CFAP20DC: variants seen among roughly 807,000 people sequenced by gnomAD.
CFAP20DC encodes protein CFAP20DC.
A neutral mutation model predicts 101.7 loss-of-function variants in CFAP20DC; 84 were observed. The ratio of observed to expected loss-of-function variants is 0.83; its 90% CI spans 0.69 to 0.99. The LOEUF is 0.99. Among genes scored for constraint, CFAP20DC ranks in the 50% least tolerant of loss-of-function variants. The probability of loss-of-function intolerance (pLI) is 0.00; values close to 1 mark genes in which losing one functional copy is unlikely to be tolerated. For synonymous variants in CFAP20DC, 359 were observed against 351.2 expected (o/e 1.02, Z -0.25); for missense variants, 1,007 against 970.3 (o/e 1.04, Z -0.50).
chr3:58,896,810 G>A (rs140881939), intron 6 of CFAP20DC, among the ~76,000 whole-genome samples: 1 of 152,190 alleles, frequency 6.6e-6, no homozygotes, highest in East Asian at 1.9e-4. Flanking sequence ...TGATTTATGT[G>A]ATCAATTTTA....
In CFAP20DC at chr3:58,913,678, TA is replaced by T. The variant is rs1559812339; in HGVS notation, c.550+29del. On this transcript the variant is annotated intron_variant, in intron 6 of 16. Coordinates refer to ENST00000482387, the MANE Select transcript of CFAP20DC (RefSeq NM_001394063.1). The surrounding 1 kb of genome is among the most constrained non-coding windows in gnomAD (Gnocchi z 4.4). ...TAATTTTAAAAATACATCAGAGAATTAAAAAATCTTGATAGCAACCTGAACA... is the reference window on the plus strand; with the variant it reads ...TAATTTTAAAAATACATCAGAGAATTAAAAATCTTGATAGCAACCTGAACA... The T allele has an allele frequency of 3.7e-6, 6 of 1,610,066 alleles. No individual in the cohort carries two copies.
At chr3:59,045,112 T>C (rs1013076253) in intron 3 of CFAP20DC, among the ~76,000 whole-genome samples, 1 of 151,982 alleles carries the variant, frequency 6.6e-6, no homozygotes, top group Non-Finnish European at 1.5e-5. Flanking sequence ...TCCGGTCTCT[T>C]TCGTAGTTTA....
chr3:58,723,682 T>C (rs1422936756), intron 3 of CFAP20DC, among the ~76,000 whole-genome samples: 1 of 152,238 alleles, frequency 6.6e-6, no homozygotes, highest in Non-Finnish European at 1.5e-5. Context: ...TGATGACCTT[T>C]GGCAGATCCC....
At position 59,006,196 on chromosome 3, in the gene CFAP20DC, G is replaced by A. The variant is rs1340299336; in HGVS notation, c.278+33361C>T. 1.3e-5 allele frequency among the ~76,000 whole-genome samples: 2 copies of A among 152,066 alleles called. No homozygotes were observed. Among genetic ancestry groups the A allele is most frequent in the Admixed American group, 1.3e-4 (2 of 15,262 alleles). On this transcript the variant is annotated intron_variant, in intron 4 of 16. Transcript: ENST00000482387. This position sits in a 1 kb window ranked among gnomAD's most constrained non-coding sequence, Gnocchi z 4.3. ...CGAATAGGTTAGAATGTAGACAGTGGCAAAAGGCTGCTACTGTCATCCCAG... is the reference window on the plus strand; with the variant it reads ...CGAATAGGTTAGAATGTAGACAGTGACAAAAGGCTGCTACTGTCATCCCAG...
At chr3:58,915,815 C>T (rs1235469628) in intron 5 of CFAP20DC, among the ~76,000 whole-genome samples, 2 of 152,264 alleles carry the variant, frequency 1.3e-5, no homozygotes, top group Non-Finnish European at 2.9e-5. Context: ...TCTAATCATA[C>T]TGTCAACTCA....
At chr3:59,047,869 G>A (rs1273128011) in intron 1 of CFAP20DC, among the ~76,000 whole-genome samples, 1 of 152,176 alleles carries the variant, frequency 6.6e-6, no homozygotes. Context: ...AAAATGGGAA[G>A]GGAAATTAAA....
intron 4 of CFAP20DC, among the ~76,000 whole-genome samples, chr3:58,951,426 G>T (rs544992693): frequency 2.6e-5 from 4 of 152,186 alleles, no homozygotes; most frequent in South Asian, 2.1e-4. Flanking sequence ...CAAAGGATTA[G>T]AAATCATGCT....
At chr3:58,921,922 C>T (rs1037473027) in intron 5 of CFAP20DC, among the ~76,000 whole-genome samples, 9 of 152,176 alleles carry the variant, frequency 5.9e-5, no homozygotes, top group African/African-American at 2.2e-4. Context: ...TCTTCTTCAT[C>T]ATTTAACCTC....
rs1219164136 is a variant in CFAP20DC, at chr3:59,015,538, G to T, written c.278+24019C>A. Among the ~76,000 whole-genome samples the T allele has an allele frequency of 6.6e-6, 1 of 151,252 alleles. No individual in the cohort carries two copies. The highest frequency in any genetic ancestry group is 2.4e-5 in the African/African-American group (1 of 41,124). ...AAAAGGGGAGAAAGAAAAAGGAAGA[G>T]GAAAAGAAGGAAAGAGGAAGGAGGA... is the stretch of plus-strand genomic sequence containing the variant. On this transcript the variant is annotated intron_variant, in intron 4 of 16. Transcript: ENST00000482387. This position sits in a 1 kb window ranked among gnomAD's most constrained non-coding sequence, Gnocchi z 5.4.
At chr3:58,980,700 G>A (rs1202369448) in intron 4 of CFAP20DC, among the ~76,000 whole-genome samples, 1 of 152,138 alleles carries the variant, frequency 6.6e-6, no homozygotes, top group Non-Finnish European at 1.5e-5. Context: ...TTGATGGGAT[G>A]TATCTCAAAA....
chr3:58,884,194 AC>A (rs1160028562), intron 7 of CFAP20DC, among the ~76,000 whole-genome samples: 10 of 152,142 alleles, frequency 6.6e-5, no homozygotes, highest in Non-Finnish European at 4.4e-5. Context: ...ACTACTCCCT[AC>A]AACTCCCTCA....
chr3:58,857,067 G>A (rs149786153), intron 12 of CFAP20DC, among the ~76,000 whole-genome samples: 1 of 152,072 alleles, frequency 6.6e-6, no homozygotes, highest in Admixed American at 6.5e-5. Flanking sequence ...GCAATTTCTA[G>A]ACACTATACA....
intron 15 of CFAP20DC, among the ~76,000 whole-genome samples, chr3:58,790,712 A>T (rs140716841): frequency 1.5e-3 from 227 of 152,312 alleles, no homozygotes; most frequent in African/African-American, 5.0e-3. Context: ...ATACTAGTCA[A>T]TGGTGTAACT....
chr3:58,996,101 C>CAAA (rs141283541), intron 4 of CFAP20DC, among the ~76,000 whole-genome samples: 1 of 148,056 alleles, frequency 6.8e-6, no homozygotes, highest in African/African-American at 2.5e-5. Context: ...ATAAATGAAG[C>CAAA]AGAAAAAAAA....
In CFAP20DC at chr3:58,866,560, G is replaced by T; in HGVS notation, c.1258+6C>A. Reference sequence around the variant, plus strand: ...TTAACAGATATGGTGTAATAAAGATGCCAACCTGATTGATCAGGAGACTGG... The same window carrying T: ...TTAACAGATATGGTGTAATAAAGATTCCAACCTGATTGATCAGGAGACTGG... On this transcript the variant is annotated splice_donor_region_variant and intron_variant, in intron 11 of 16. Coordinates refer to ENST00000482387, the MANE Select transcript of CFAP20DC (RefSeq NM_001394063.1). The T allele has an allele frequency of 6.3e-7, 1 of 1,599,168 alleles. No homozygotes were observed.
chr3:58,864,807 C>A lies in CFAP20DC; in HGVS notation c.1259-915G>T, dbSNP rs1281992614. Among the ~76,000 whole-genome samples the A allele has an allele frequency of 2.6e-5, 4 of 152,250 alleles. No individual in the cohort carries two copies. The highest frequency in any genetic ancestry group is 9.6e-5 in the African/African-American group (4 of 41,548). On this transcript the variant is annotated intron_variant, in intron 11 of 16. Coordinates refer to ENST00000482387, the MANE Select transcript of CFAP20DC (RefSeq NM_001394063.1). This position sits in a 1 kb window ranked among gnomAD's most constrained non-coding sequence, Gnocchi z 4.7. ...TTGCTAATCCAAGCAGTGGATTCTG[C>A]TGGGTGAAAAAGGTCTTTAAGTTTA... is the stretch of plus-strand genomic sequence containing the variant.
chr3:58,936,176 C>T (rs1367510218), intron 5 of CFAP20DC, among the ~76,000 whole-genome samples: 1 of 152,220 alleles, frequency 6.6e-6, no homozygotes, highest in East Asian at 1.9e-4. Flanking sequence ...TGAAAAAATG[C>T]TCATCATCAC....
At chr3:58,827,003 G>T (rs1270054925) in intron 14 of CFAP20DC, among the ~76,000 whole-genome samples, 2 of 151,998 alleles carry the variant, frequency 1.3e-5, no homozygotes, top group Non-Finnish European at 2.9e-5. Flanking sequence ...GAATTTTAGG[G>T]GCAGTGAAAC....
At chr3:58,735,874 C>T (rs1378763511) in intron 3 of CFAP20DC, among the ~76,000 whole-genome samples, 1 of 152,158 alleles carries the variant, frequency 6.6e-6, no homozygotes, top group Non-Finnish European at 1.5e-5. Context: ...TATTTGCTGA[C>T]CACAGCCGAT....
Sources: allele counts gnomAD v4.1 joint callset (sites outside exome capture counted in the v4.1 genomes callset), GRCh38; gene constraint gnomAD v4.1.1; non-coding constraint Gnocchi (gnomAD v3.1); transcripts MANE v1.5; gene names NCBI Gene and HGNC (gene_info 2026-07-23, HGNC 2026-07-21).